The following CLTRN variants were observed in gnomAD, a reference collection of about 807,000 sequenced individuals.
CLTRN encodes collectrin, amino acid transport regulator, also known as collectrin.
A neutral mutation model predicts 14.5 loss-of-function variants in CLTRN; 12 were observed. The ratio of observed to expected loss-of-function variants is 0.83; its 90% CI spans 0.53 to 1.34. CLTRN has a LOEUF of 1.34. CLTRN is among the 40% of genes most tolerant of loss of function. The pLI is 0.00. For synonymous variants in CLTRN, 58 were observed against 56.5 expected (o/e 1.03, Z -0.12); for missense variants, 154 against 165.1 (o/e 0.93, Z 0.37).
At chrX:15,666,087 T>C (rs1285057402), upstream of CLTRN, among the ~76,000 whole-genome samples, 4 of 111,844 alleles carry the variant, frequency 3.6e-5, no homozygotes, top group African/African-American at 1.3e-4. Flanking sequence ...TACTTGAGGA[T>C]AGTGGGTGGG....
At chrX:15,653,168 T>C (rs2147208110) in intron 3 of CLTRN, among the ~76,000 whole-genome samples, 1 of 111,338 alleles carries the variant, frequency 9.0e-6, no homozygotes, top group East Asian at 2.8e-4. Context: ...AGCTGAGCTT[T>C]GGAAGTTTGG....
intron 1 of CLTRN, among the ~76,000 whole-genome samples, chrX:15,673,786 T>A (rs1053787760): frequency 2.7e-5 from 3 of 112,168 alleles, no homozygotes; most frequent in African/African-American, 9.7e-5. Flanking sequence ...GTGTATATAG[T>A]AAATCTCACT....
At chrX:15,670,312 C>T (rs867996473) in intron 1 of CLTRN, among the ~76,000 whole-genome samples, 1 of 97,053 alleles carries the variant, frequency 1.0e-5, no homozygotes, top group Non-Finnish European at 2.0e-5. Flanking sequence ...AAACAAAACA[C>T]ACACACACAC....
chrX:15,640,159 C>T (rs1416872883), intron 4 of CLTRN, among the ~76,000 whole-genome samples: 1 of 111,953 alleles, frequency 8.9e-6, no homozygotes, highest in East Asian at 2.8e-4. Flanking sequence ...AGCAGCTTTC[C>T]ATCAGACATG....
intron 4 of CLTRN, among the ~76,000 whole-genome samples, chrX:15,640,824 C>T (rs1385702892): frequency 1.8e-5 from 2 of 111,856 alleles, no homozygotes; most frequent in Non-Finnish European, 3.8e-5. Flanking sequence ...AATTAAAGTA[C>T]CAAGGAGCTT....
At chrX:15,631,534 A>G (rs1928694664) in intron 5 of CLTRN, among the ~76,000 whole-genome samples, 1 of 112,360 alleles carries the variant, frequency 8.9e-6, no homozygotes, top group African/African-American at 3.2e-5. Context: ...CTTCCCAGCA[A>G]CAAGGAAAAA....
chrX:15,663,086 G>A (rs1309858337), intron 2 of CLTRN, among the ~76,000 whole-genome samples: 1 of 111,903 alleles, frequency 8.9e-6, no homozygotes, highest in African/African-American at 3.3e-5. Flanking sequence ...ATCACAGTAA[G>A]TGCCAGGTAT....
At chrX:15,631,017 C>T (rs1026559133) in intron 5 of CLTRN, among the ~76,000 whole-genome samples, 9 of 111,875 alleles carry the variant, frequency 8.0e-5, no homozygotes, top group African/African-American at 2.3e-4. Context: ...ACATTTTGAG[C>T]GTCTACTATG....
intron 3 of CLTRN, among the ~76,000 whole-genome samples, chrX:15,651,323 C>G (rs1929209850): frequency 9.0e-6 from 1 of 111,216 alleles, no homozygotes; most frequent in South Asian, 3.8e-4. Context: ...CCATCCCATG[C>G]AGGAATTTAG....
chrX:15,659,708 T>C (rs1032755947), intron 2 of CLTRN, among the ~76,000 whole-genome samples: 1 of 110,788 alleles, frequency 9.0e-6, no homozygotes, highest in African/African-American at 3.3e-5. Flanking sequence ...GAAGAGGAAA[T>C]CTGGACACAG....
rs773179891 is a variant in CLTRN, at chrX:15,634,908, A to G, written c.512+4654T>C. Among the ~76,000 whole-genome samples, 3 of 108,088 alleles carry G rather than the reference A, an allele frequency of 2.8e-5. No individual in the cohort carries two copies. The East Asian group carries it at 8.9e-4, about 32-fold the overall frequency. 93.9% of individuals were successfully genotyped at this position (108,088 alleles called of 115,157 possible). A position where few individuals can be genotyped will look rare whatever the true frequency, so the allele number is the denominator to read the frequency against. ...TGTAACTAACCTGCACAATGTGCAC[A>G]TGTACCCTAAAACTTAAATTATAAT... is the stretch of plus-strand genomic sequence containing the variant. On this transcript the variant is annotated intron_variant, in intron 5 of 5. Transcript: ENST00000380342.
intron 2 of CLTRN, among the ~76,000 whole-genome samples, chrX:15,659,533 AT>A (rs1170705680): frequency 9.0e-6 from 1 of 111,694 alleles, no homozygotes; most frequent in African/African-American, 3.3e-5. Context: ...GTGCGTGCAT[AT>A]TATGGGCTGA....
Position 15,652,255 on chromosome X carries a change from A to G in CLTRN, c.203+6761T>C, listed in dbSNP as rs765915117. ...TTTCTTGAGCTAAACATGTCTTTTT[A>G]AAGCACGTTTTGATGTCATAAAGAA... On this transcript the variant is annotated intron_variant, in intron 3 of 5. Coordinates refer to ENST00000380342, the MANE Select transcript of CLTRN (RefSeq NM_020665.6). 2.7e-5 allele frequency among the ~76,000 whole-genome samples: 3 copies of G among 112,264 alleles called. No individual in the cohort carries two copies. The East Asian group carries it at 8.3e-4, about 31-fold the overall frequency.
At chrX:15,630,363 A>AGAAGGAAGGAAGGAAGGAAG (rs67681066) in intron 5 of CLTRN, among the ~76,000 whole-genome samples, 1 of 54,662 alleles carries the variant, frequency 1.8e-5, no homozygotes. Context: ...ACCACAAGAA[A>AGAAGGAAGGAAGGAAGGAAG]GAAGGAAGGA....
At chrX:15,641,147 A>G (rs1164798261) in intron 4 of CLTRN, among the ~76,000 whole-genome samples, 2 of 112,538 alleles carry the variant, frequency 1.8e-5, no homozygotes, top group Admixed American at 9.4e-5. Flanking sequence ...GCTTAGAAAA[A>G]TGTTACTTTT....
chrX:15,668,975 G>A (rs1006205804), upstream of CLTRN, among the ~76,000 whole-genome samples: 4 of 111,131 alleles, frequency 3.6e-5, no homozygotes, highest in African/African-American at 6.5e-5. Flanking sequence ...TTTCTAATAC[G>A]TGTATTAATT....
intron 2 of CLTRN, among the ~76,000 whole-genome samples, chrX:15,662,202 A>T (rs369915334): frequency 9.2e-6 from 1 of 109,253 alleles, no homozygotes; most frequent in South Asian, 4.0e-4. Context: ...ATTTTTCCCA[A>T]TGGTTTCCCT....
chrX:15,669,886 T>C (rs1324868276), intron 1 of CLTRN, among the ~76,000 whole-genome samples: 1 of 112,303 alleles, frequency 8.9e-6, no homozygotes, highest in East Asian at 2.8e-4. Context: ...TTTTATTGGA[T>C]TTTCAGAAAT....
intron 1 of CLTRN, among the ~76,000 whole-genome samples, chrX:15,674,003 T>A (rs886181366): frequency 8.9e-6 from 1 of 112,335 alleles, no homozygotes; most frequent in African/African-American, 3.2e-5. Context: ...TATTACACCA[T>A]CTTTAATTTT....
Sources: allele counts gnomAD v4.1 joint callset (sites outside exome capture counted in the v4.1 genomes callset), GRCh38; gene constraint gnomAD v4.1.1; transcripts MANE v1.5; gene names NCBI Gene and HGNC (gene_info 2026-07-23, HGNC 2026-07-21).